DYM: variants seen among roughly 807,000 people sequenced by gnomAD.
The protein encoded by DYM is dymeclin, also known as dyggve-Melchior-Clausen syndrome protein.
A neutral mutation model predicts 93.1 loss-of-function variants in DYM; 78 were observed. The ratio of observed to expected loss-of-function variants is 0.84; its 90% CI spans 0.70 to 1.01. The LOEUF (loss-of-function observed/expected upper bound fraction) is 1.01, where lower values mean the gene tolerates loss of function less well. Among genes scored for constraint, DYM ranks in the 50% least tolerant of loss-of-function variants. The pLI, the probability that DYM is intolerant of heterozygous loss-of-function variation, is 0.00. For missense variants in DYM, 789 were observed against 845.0 expected (o/e 0.93, Z 0.82); for synonymous variants, 321 against 319.7 (o/e 1.00, Z -0.04).
chr18:49,246,691 T>C (rs1253391235), intron 13 of DYM, among the ~76,000 whole-genome samples: 7 of 152,220 alleles, frequency 4.6e-5, no homozygotes, highest in Non-Finnish European at 8.8e-5. Context: ...ATTTTATGAC[T>C]TGTAAATAAG....
At chr18:49,185,194 C>G (rs900101395) in intron 14 of DYM, among the ~76,000 whole-genome samples, 1 of 152,142 alleles carries the variant, frequency 6.6e-6, no homozygotes, top group African/African-American at 2.4e-5. Context: ...TGCCAAGAAC[C>G]ATCCCCCATC....
chr18:49,325,595 C>T (rs2062823019), intron 8 of DYM, among the ~76,000 whole-genome samples: 1 of 151,938 alleles, frequency 6.6e-6, no homozygotes, highest in African/African-American at 2.4e-5. Flanking sequence ...GAGAGCCATA[C>T]CTTTATATAT....
chr18:49,044,000 A>G lies in DYM; in HGVS notation c.*55T>C, dbSNP rs2071132528. The G allele has an allele frequency of 1.0e-5, 16 of 1,604,566 alleles. No individual in the cohort carries two copies. Among genetic ancestry groups the G allele is most frequent in the Non-Finnish European group, 1.4e-5 (16 of 1,175,174 alleles). The stretch of plus-strand genomic sequence containing the variant: ...GTCTACTTCTGTTACCCAGAAATAA[A>G]AGAACTTGAAGGGCTGCTTGGCTGG... On this transcript the variant is annotated 3_prime_UTR_variant, in exon 18 of 18. Coordinates refer to ENST00000675505, the MANE Select transcript of DYM (RefSeq NM_001353214.3).
chr18:49,153,832 AT>A (rs2086087445), intron 15 of DYM, among the ~76,000 whole-genome samples: 1 of 152,200 alleles, frequency 6.6e-6, no homozygotes, highest in African/African-American at 2.4e-5. Flanking sequence ...GGATTTCAAA[AT>A]TTGTGGGAAA....
chr18:49,435,299 T>C (rs2080739667), intron 1 of DYM, among the ~76,000 whole-genome samples: 1 of 150,912 alleles, frequency 6.6e-6, no homozygotes, highest in South Asian at 2.1e-4. Context: ...GAATTAGGAA[T>C]GCTTTGTTAT....
intron 14 of DYM, among the ~76,000 whole-genome samples, chr18:49,172,809 T>A (rs531176357): frequency 1.3e-5 from 2 of 152,248 alleles, no homozygotes; most frequent in South Asian, 4.1e-4. Flanking sequence ...ATCACATTTT[T>A]AAAAAATTGT....
intron 15 of DYM, among the ~76,000 whole-genome samples, chr18:49,139,686 C>T (rs1396568894): frequency 6.6e-6 from 1 of 152,058 alleles, no homozygotes; most frequent in Non-Finnish European, 1.5e-5. Context: ...ATGAAGAAAA[C>T]AGAACAATAG....
At chr18:49,131,964 A>G (rs1393389622) in intron 15 of DYM, among the ~76,000 whole-genome samples, 1 of 152,158 alleles carries the variant, frequency 6.6e-6, no homozygotes, top group Non-Finnish European at 1.5e-5. Flanking sequence ...TCTAGATTAA[A>G]AGAGACAGGA....
At chr18:49,316,305 A>C (rs543467435) in intron 8 of DYM, among the ~76,000 whole-genome samples, 22 of 152,278 alleles carry the variant, frequency 1.4e-4, no homozygotes, top group African/African-American at 5.3e-4. Flanking sequence ...AAAATCATGA[A>C]TACTTTTCAA....
chr18:49,263,915 GAA>G (rs527810670), intron 11 of DYM, among the ~76,000 whole-genome samples: 2 of 152,120 alleles, frequency 1.3e-5, no homozygotes, highest in Non-Finnish European at 2.9e-5. Context: ...TGCAGTCATA[GAA>G]GACTTCTATG....
chr18:49,203,235 T>A (rs1370473611), intron 14 of DYM, among the ~76,000 whole-genome samples: 1 of 30,572 alleles, frequency 3.3e-5, no homozygotes, highest in Non-Finnish European at 8.4e-5. Context: ...GTGGGGGGGG[T>A]CAGCCCCCCC....
intron 13 of DYM, among the ~76,000 whole-genome samples, chr18:49,254,567 GTTTA>G (rs1193000149): frequency 6.8e-6 from 1 of 147,802 alleles, no homozygotes; most frequent in African/African-American, 2.7e-5. Context: ...AATATGATTG[GTTTA>G]TTTTCTACTT....
chr18:49,167,777 CTT>C (rs1254533191), intron 14 of DYM, among the ~76,000 whole-genome samples: 5 of 152,126 alleles, frequency 3.3e-5, no homozygotes, highest in Non-Finnish European at 7.4e-5. Flanking sequence ...TTAATATTCA[CTT>C]AGCTGGGATC....
intron 2 of DYM, among the ~76,000 whole-genome samples, chr18:49,402,026 CAAAAAA>C (rs61550965): frequency 9.6e-6 from 1 of 104,682 alleles, no homozygotes; most frequent in African/African-American, 3.4e-5. Flanking sequence ...AACTCTGTCT[CAAAAAA>C]AAAAAAAAAG....
intron 7 of DYM, among the ~76,000 whole-genome samples, chr18:49,333,229 G>C (rs1007394438): frequency 2.6e-5 from 4 of 152,196 alleles, no homozygotes; most frequent in Non-Finnish European, 4.4e-5. Flanking sequence ...CTGCTCAAGA[G>C]CATAGCCCCA....
intron 16 of DYM, chr18:49,114,636 T>A: frequency 1.1e-6 from 1 of 931,654 alleles, no homozygotes; most frequent in Non-Finnish European, 1.3e-6. Context: ...AAAATTAATA[T>A]GGTCTTTCAG....
intron 1 of DYM, among the ~76,000 whole-genome samples, chr18:49,441,949 G>C (rs919520339): frequency 2.6e-5 from 4 of 152,144 alleles, no homozygotes; most frequent in Non-Finnish European, 5.9e-5. Flanking sequence ...AAGAAAACAA[G>C]AGAATGAAGA....
intron 17 of DYM, among the ~76,000 whole-genome samples, chr18:49,080,701 C>T (rs1302829642): frequency 3.4e-5 from 5 of 148,144 alleles, no homozygotes; most frequent in East Asian, 2.1e-4. Context: ...CCTCACTTCC[C>T]AGACGGGGTG....
rs117782027 is a variant in DYM at position 49,454,367 on chromosome 18, C to T, written c.-54+6031G>A. Among the ~76,000 whole-genome samples the T allele has an allele frequency of 1.2e-4, 18 of 152,226 alleles. No individual in the cohort carries two copies. The East Asian group carries it at 2.1e-3, about 18-fold the overall frequency. On this transcript the variant is annotated intron_variant, in intron 1 of 17. Coordinates refer to ENST00000675505, the MANE Select transcript of DYM (RefSeq NM_001353214.3). ...AGCCTGCAAGCTGGGAGCTTGCACA[C>T]GATAATGCCTGCAGAAACTAAGGAC...
Sources: gnomAD v4.1 joint callset for allele counts (sites outside exome capture counted in the v4.1 genomes callset) on GRCh38, gnomAD v4.1.1 for gene constraint, MANE v1.5 for transcripts, NCBI Gene and HGNC (gene_info 2026-07-23, HGNC 2026-07-21) for gene names.